FARP1: variants seen among roughly 807,000 people sequenced by gnomAD.
FARP1 encodes FERM, ARHGEF and pleckstrin domain-containing protein 1.
Under a neutral mutation model 128.8 loss-of-function variants are expected in FARP1, and 52 were observed. The ratio of observed to expected loss-of-function variants is 0.40; its 90% CI spans 0.32 to 0.51. The LOEUF is 0.51. FARP1 is among the 20% of genes least tolerant of loss of function. FARP1 has a pLI of 0.45. For missense variants in FARP1, 1,333 were observed against 1,367.9 expected, an observed-to-expected ratio of 0.97 and a Z score of 0.40; for synonymous variants, 580 against 551.8, an observed-to-expected ratio of 1.05 and a Z score of -0.72.
chr13:98,428,077 AC>A (rs1184825342), intron 17 of FARP1, among the ~76,000 whole-genome samples: 1 of 99,920 alleles, frequency 1.0e-5, no homozygotes, highest in Non-Finnish European at 2.0e-5. Flanking sequence ...CGACCCGTGC[AC>A]TCACCTGCTG....
chr13:98,409,516 C>T lies in FARP1; in HGVS notation c.1593C>T (p.Gly531=), dbSNP rs560567728. 2.5e-5 allele frequency: 40 copies of T among 1,610,118 alleles called. No individual in the cohort carries two copies. The East Asian group carries it at 8.7e-4, about 35-fold the overall frequency. ...CCCGGACGGACGATGAGGATGAGGG[C>T]CGGAGGAAGGTACAGGGCCGAGGGC... ...ACPRTDDEDE[G]RRKRFPTDKA... is the part of the protein sequence containing the mutation. Residue 531 remains glycine, a synonymous_variant, in exon 14 of 27, where the codon GGC becomes GGT. Coordinates refer to ENST00000319562, the MANE Select transcript of FARP1 (RefSeq NM_005766.4).
chr13:98,274,235 C>T lies in FARP1; in HGVS notation c.171+60822C>T, dbSNP rs370096868. 4.1e-5 allele frequency among the ~76,000 whole-genome samples: 6 copies of T among 144,832 alleles called. No individual in the cohort carries two copies. In the South Asian group the frequency reaches 7.3e-4, roughly 18 times the overall value. The stretch of plus-strand genomic sequence containing the variant: ...ATTTGAAAAATGATCAAGAAGAGCA[C>T]GAGATATCCCCAGGTTATACAGAGA... On this transcript the variant is annotated intron_variant, in intron 2 of 26. Transcript: ENST00000319562.
chr13:98,184,263 G>A (rs754108819), intron 1 of FARP1, among the ~76,000 whole-genome samples: 3 of 151,768 alleles, frequency 2.0e-5, no homozygotes, highest in South Asian at 4.2e-4. Context: ...GATTGTAGGC[G>A]CCTGCCACCC....
intron 2 of FARP1, chr13:98,329,075 C>T (rs986559180): frequency 6.6e-5 from 10 of 152,314 alleles, no homozygotes; most frequent in Admixed American, 6.5e-4. Flanking sequence ...TTAAAAGCCG[C>T]CTGCGGGGTA....
chr13:98,283,371 G>A (rs1439606098), intron 2 of FARP1, among the ~76,000 whole-genome samples: 3 of 152,166 alleles, frequency 2.0e-5, no homozygotes, highest in Non-Finnish European at 4.4e-5. Context: ...TAGAATGCAA[G>A]AGGCTATCCT....
chr13:98,144,048 C>T (rs1434060933), intron 1 of FARP1, among the ~76,000 whole-genome samples: 1 of 151,906 alleles, frequency 6.6e-6, no homozygotes, highest in Non-Finnish European at 1.5e-5. Flanking sequence ...TTACTGTCTG[C>T]CTTTATGCAG....
intron 19 of FARP1, among the ~76,000 whole-genome samples, chr13:98,438,467 C>T (rs990675091): frequency 6.6e-6 from 1 of 152,104 alleles, no homozygotes. Flanking sequence ...CTCTTGAACC[C>T]GACCGTCCGT....
At chr13:98,165,001 G>A (rs1217074533) in intron 1 of FARP1, among the ~76,000 whole-genome samples, 1 of 152,014 alleles carries the variant, frequency 6.6e-6, no homozygotes, top group Non-Finnish European at 1.5e-5. Flanking sequence ...GATCACTTGA[G>A]GTCGGGAGTT....
intron 2 of FARP1, among the ~76,000 whole-genome samples, chr13:98,289,500 G>A (rs1377570982): frequency 2.6e-5 from 4 of 152,180 alleles, no homozygotes; most frequent in African/African-American, 9.7e-5. Flanking sequence ...TGAACAATCT[G>A]TAAAATATTT....
At chr13:98,373,595 C>T (rs79060474) in intron 5 of FARP1, among the ~76,000 whole-genome samples, 22 of 143,334 alleles carry the variant, frequency 1.5e-4, no homozygotes, top group East Asian at 6.0e-4. Context: ...AAGGGGGTTG[C>T]GGGGAGAGAC....
intron 1 of FARP1, among the ~76,000 whole-genome samples, chr13:98,179,365 G>T (rs141101605): frequency 3.7e-4 from 57 of 152,302 alleles, no homozygotes; most frequent in African/African-American, 1.3e-3. Context: ...CAACACAAGA[G>T]AATTTTGGGA....
At chr13:98,295,245 T>C (rs1231345006) in intron 2 of FARP1, among the ~76,000 whole-genome samples, 1 of 152,146 alleles carries the variant, frequency 6.6e-6, no homozygotes, top group Non-Finnish European at 1.5e-5. Context: ...TTTGAAGTGA[T>C]ATTAAATTTT....
intron 2 of FARP1, among the ~76,000 whole-genome samples, chr13:98,293,323 G>A (rs562033828): frequency 6.6e-6 from 1 of 152,304 alleles, no homozygotes; most frequent in South Asian, 2.1e-4. Context: ...CCAGGAGTAA[G>A]TGACATTGTT....
rs755865497 is a variant in FARP1 at position 98,395,604 on chromosome 13, G to GTCCCGT, written c.1414+132_1414+133insGTTCCC. On this transcript the variant is annotated intron_variant, in intron 13 of 26. Transcript: ENST00000319562. ...GATCCCGGTCCCGATCCCGGTCCCG[G>GTCCCGT]TCCCAAACAAATGACAATTATGAGG... 6 of 1,163,716 alleles carry GTCCCGT rather than the reference G, an allele frequency of 5.2e-6. No individual in the cohort carries two copies. In the Admixed American group the frequency reaches 1.2e-4, roughly 24 times the overall value. 72.1% of individuals were successfully genotyped at this position (1,163,716 alleles called of 1,614,324 possible).
chr13:98,176,615 C>T lies in FARP1; in HGVS notation c.-24+33123C>T, dbSNP rs564848599. ...TCGTGGAGGAATTTGCAGCTGTCCC[C>T]GAAGCCACAGAAGCCAGTCTCCTTG... On this transcript the variant is annotated intron_variant, in intron 1 of 26. Transcript: ENST00000319562. The surrounding 1 kb of genome is among the most constrained non-coding windows in gnomAD (Gnocchi z 6.2). The T allele has an allele frequency of 5.0e-6, 8 of 1,614,222 alleles. No individual in the cohort carries two copies. The highest frequency in any genetic ancestry group is 2.2e-5 in the South Asian group (2 of 91,082).
intron 2 of FARP1, among the ~76,000 whole-genome samples, chr13:98,267,493 C>T (rs12876783): frequency 0.12 from 17,953 of 152,198 alleles, 1,286 homozygotes; most frequent in African/African-American, 0.18. Flanking sequence ...CCCACCCCCC[C>T]ATATCCTTCC....
chr13:98,382,500 T>C (rs1889922565), intron 6 of FARP1: 1 of 151,204 alleles, frequency 6.6e-6, no homozygotes, highest in Non-Finnish European at 1.5e-5. Flanking sequence ...CTAAGATTCA[T>C]AGGAATTAAG....
chr13:98,392,545 T>G (rs1489346185), intron 11 of FARP1, among the ~76,000 whole-genome samples: 2 of 151,952 alleles, frequency 1.3e-5, no homozygotes, highest in Non-Finnish European at 2.9e-5. Context: ...GAGTGTGTTC[T>G]TTTCATTCAT....
intron 1 of FARP1, among the ~76,000 whole-genome samples, chr13:98,181,633 T>C (rs1426101434): frequency 2.1e-5 from 2 of 95,742 alleles, no homozygotes; most frequent in East Asian, 5.3e-4. Context: ...TATTTATTTA[T>C]TTATTTATTT....
Sources: allele counts gnomAD v4.1 joint callset (sites outside exome capture counted in the v4.1 genomes callset), GRCh38; gene constraint gnomAD v4.1.1; non-coding constraint Gnocchi (gnomAD v3.1); transcripts MANE v1.5; gene names NCBI Gene and HGNC (gene_info 2026-07-23, HGNC 2026-07-21).